SLC4A10: variants seen among roughly 807,000 people sequenced by gnomAD.
SLC4A10 encodes sodium-driven chloride bicarbonate exchanger.
In SLC4A10, 42 loss-of-function variants were observed where a neutral mutation model predicts 137.7. The ratio of observed to expected loss-of-function variants is 0.30; its 90% confidence interval spans 0.24 to 0.39. The LOEUF (loss-of-function observed/expected upper bound fraction) is 0.39. Among genes scored for constraint, SLC4A10 ranks in the 10% least tolerant of loss-of-function variants. The pLI is 1.00. For synonymous variants in SLC4A10, 474 were observed against 464.1 expected (o/e 1.02, Z -0.27); for missense variants, 925 against 1,355.0 (o/e 0.68, Z 4.98).
chr2:161,699,228 G>T (rs1344558058), intron 1 of SLC4A10, among the ~76,000 whole-genome samples: 2 of 152,088 alleles, frequency 1.3e-5, no homozygotes, highest in Non-Finnish European at 2.9e-5. Context: ...CACTGTGTTA[G>T]CGAAGATGGT....
At chr2:161,823,200 A>T (rs963397614) in intron 3 of SLC4A10, among the ~76,000 whole-genome samples, 1 of 152,228 alleles carries the variant, frequency 6.6e-6, no homozygotes, top group Admixed American at 6.5e-5. Context: ...GTACACAAAC[A>T]CTTATAGATT....
chr2:161,910,907 A>T (rs1301283095), intron 15 of SLC4A10, among the ~76,000 whole-genome samples: 1 of 152,004 alleles, frequency 6.6e-6, no homozygotes, highest in Non-Finnish European at 1.5e-5. Context: ...TGAGAATTTC[A>T]TTCTCACGGT....
chr2:161,942,568 G>T (rs1175578819), intron 15 of SLC4A10, among the ~76,000 whole-genome samples: 1 of 152,010 alleles, frequency 6.6e-6, no homozygotes, highest in African/African-American at 2.4e-5. Flanking sequence ...GTCATAAGGG[G>T]CTCTCATTCC....
chr2:161,946,717 G>C (rs1693880834), intron 16 of SLC4A10, among the ~76,000 whole-genome samples: 1 of 151,926 alleles, frequency 6.6e-6, no homozygotes, highest in African/African-American at 2.4e-5. Context: ...TTTTGACTTT[G>C]CTGCCACCTC....
At chr2:161,781,625 A>G (rs982552584) in intron 2 of SLC4A10, among the ~76,000 whole-genome samples, 7 of 152,150 alleles carry the variant, frequency 4.6e-5, no homozygotes, top group African/African-American at 1.7e-4. Flanking sequence ...GGTGAGAACC[A>G]TTGCTTGAAG....
intron 23 of SLC4A10, 117 bp downstream of exon 23, chr2:161,965,290 T>G: frequency 3.5e-5 from 33 of 954,440 alleles, no homozygotes; most frequent in Middle Eastern, 2.6e-4. Flanking sequence ...CAGTGATCAC[T>G]AACAACCACA....
At chr2:161,781,346 T>C (rs2052990972) in intron 2 of SLC4A10, among the ~76,000 whole-genome samples, 1 of 152,064 alleles carries the variant, frequency 6.6e-6, no homozygotes, top group African/African-American at 2.4e-5. Context: ...TCAATAAATA[T>C]CTTCCACTTA....
rs1217254924 is a variant in SLC4A10 at position 161,624,533 on chromosome 2, C to T, written c.15C>T (p.Asp5=). ...CGTTACAAAACATGGAGATTAAAGA[C>T]CAGGGAGCCCAAATGGAGCCGCTGC... MEIK[D]QGAQMEPLLP... Residue 5 remains aspartate (D), a synonymous_variant, in exon 1 of 27, where the codon GAC becomes GAT. Transcript: ENST00000446997. The T allele has an allele frequency of 1.3e-6, 2 of 1,553,828 alleles. No homozygotes were observed. The highest frequency in any genetic ancestry group is 2.7e-5 in the African/African-American group (2 of 73,114).
At chr2:161,759,718 T>C (rs1049538549) in intron 1 of SLC4A10, among the ~76,000 whole-genome samples, 4 of 151,974 alleles carry the variant, frequency 2.6e-5, no homozygotes, top group Non-Finnish European at 5.9e-5. Context: ...AATTTTGCTA[T>C]TGAGTTGTAT....
intron 3 of SLC4A10, among the ~76,000 whole-genome samples, chr2:161,825,955 G>A (rs2057993885): frequency 6.6e-6 from 1 of 152,144 alleles, no homozygotes; most frequent in African/African-American, 2.4e-5. Context: ...TATATCCCAT[G>A]TGGAAATAAA....
intron 1 of SLC4A10, among the ~76,000 whole-genome samples, chr2:161,689,715 A>G (rs1307141228): frequency 1.3e-5 from 2 of 152,206 alleles, no homozygotes; most frequent in African/African-American, 4.8e-5. Context: ...TATATTTTCT[A>G]TTAATGCTTT....
chr2:161,921,239 T>C (rs1365588332), intron 15 of SLC4A10, among the ~76,000 whole-genome samples: 3 of 152,210 alleles, frequency 2.0e-5, no homozygotes, highest in South Asian at 2.1e-4. Flanking sequence ...TCTCTCTTCA[T>C]TGTACCTGTG....
intron 1 of SLC4A10, among the ~76,000 whole-genome samples, chr2:161,657,441 A>G (rs1558961390): frequency 6.6e-6 from 1 of 152,048 alleles, no homozygotes; most frequent in Non-Finnish European, 1.5e-5. Context: ...TCTAGATTTA[A>G]GCTATTAGTT....
intron 23 of SLC4A10, among the ~76,000 whole-genome samples, chr2:161,970,625 C>T (rs1698359865): frequency 6.6e-6 from 1 of 152,110 alleles, no homozygotes; most frequent in African/African-American, 2.4e-5. Context: ...GTCTCTGTTG[C>T]CGTTGTTTGT....
chr2:161,902,162 T>C (rs1705319095), intron 12 of SLC4A10: 1 of 444,474 alleles, frequency 2.2e-6, no homozygotes, highest in Non-Finnish European at 4.5e-6. Flanking sequence ...TGCACTGTTC[T>C]CTGTAATGAA....
At position 161,900,971 on chromosome 2, in the gene SLC4A10, C is replaced by A. The variant is rs575906578; in HGVS notation, c.1402C>A (p.His468Asn). ...AGCAGCTCATGGGGAAGCAGAGCCC[C>A]ACGGAGGACATAGTGGACCTGAACT... is the stretch of plus-strand genomic sequence containing the variant. ...GTAAHGEAEP[H>N]GGHSGPELQR... Residue 468 changes from histidine (H) to asparagine (N), a missense_variant, in exon 12 of 27, where the codon CAC becomes AAC. Transcript: ENST00000446997. The A allele has an allele frequency of 1.8e-5, 28 of 1,568,836 alleles. No individual in the cohort carries two copies. Among genetic ancestry groups the A allele is most frequent in the Non-Finnish European group, 2.4e-5 (28 of 1,156,342 alleles).
chr2:161,875,899 C>T (rs1162421196), intron 8 of SLC4A10, among the ~76,000 whole-genome samples: 1 of 152,104 alleles, frequency 6.6e-6, no homozygotes, highest in Non-Finnish European at 1.5e-5. Context: ...CCAGAGAATC[C>T]CTATGAAGTT....
intron 13 of SLC4A10, 43 bp from the exon 14 acceptor site, chr2:161,904,733 C>T (rs373082167): frequency 6.2e-7 from 1 of 1,610,208 alleles, no homozygotes; most frequent in Admixed American, 1.7e-5. Context: ...ACAATGGCCT[C>T]CTGTACAGCT....
At chr2:161,668,411 A>G (rs992168841) in intron 1 of SLC4A10, among the ~76,000 whole-genome samples, 4 of 151,776 alleles carry the variant, frequency 2.6e-5, no homozygotes, top group African/African-American at 9.7e-5. Context: ...AGAGGAGAAA[A>G]CTAGAGCCAG....
Sources: allele counts gnomAD v4.1 joint callset (sites outside exome capture counted in the v4.1 genomes callset), GRCh38; gene constraint gnomAD v4.1.1; transcripts MANE v1.5; gene names NCBI Gene and HGNC (gene_info 2026-07-23, HGNC 2026-07-21).